SSBP1: variants seen among roughly 807,000 people sequenced by gnomAD.
SSBP1 encodes the protein single-stranded DNA-binding protein, mitochondrial.
In SSBP1, 20 loss-of-function variants were observed where a neutral mutation model predicts 27.0. That is an observed-to-expected ratio of 0.74 (90% CI 0.52 to 1.08). The LOEUF (loss-of-function observed/expected upper bound fraction) is 1.08, where lower values mean the gene tolerates loss of function less well. Among genes scored for constraint, SSBP1 ranks in the 50% least tolerant of loss-of-function variants. The pLI is 0.00. For missense variants in SSBP1, 137 were observed against 182.4 expected (o/e 0.75, Z 1.44); for synonymous variants, 59 against 59.3 (o/e 1.00, Z 0.02).
At chr7:141,745,929 A>G in intron 6 of SSBP1, 3 of 1,026,856 alleles carry the variant, frequency 2.9e-6, no homozygotes, top group Non-Finnish European at 3.5e-6. Flanking sequence ...AGCGTATGCC[A>G]AGATAAGAAT....
Position 141,742,160 on chromosome 7 carries a change from C to G in SSBP1, c.25-9C>G. 6.3e-7 allele frequency: 1 copy of G among 1,583,186 alleles called. No individual in the cohort carries two copies. Among genetic ancestry groups the G allele is most frequent in the Non-Finnish European group, 8.6e-7 (1 of 1,156,210 alleles). Reference sequence around the variant, plus strand: ...ATTAAAGCCATGTTATTCATTTGTTCTTCTTTAGGTACTTCGTCAGTTTGT... The same window carrying G: ...ATTAAAGCCATGTTATTCATTTGTTGTTCTTTAGGTACTTCGTCAGTTTGT... On this transcript the variant is annotated splice_polypyrimidine_tract_variant and intron_variant, in intron 2 of 6. Coordinates refer to ENST00000265304, the MANE Select transcript of SSBP1 (RefSeq NM_003143.3).
chr7:141,742,323 T>C (rs1242055411), intron 3 of SSBP1, 94 bp downstream of exon 3: 3 of 887,284 alleles, frequency 3.4e-6, no homozygotes, highest in African/African-American at 3.3e-5. Context: ...GGGTTAACCA[T>C]GTTGCCATTG....
Position 141,746,108 on chromosome 7 carries a change from T to A in SSBP1, c.403+524T>A, listed in dbSNP as rs764093461. ...CAATCTCGGCTCATTGCAACCTCTGTCTCCTGGATTCAAGTGATTCTCCTG... is the reference window on the plus strand; with the variant it reads ...CAATCTCGGCTCATTGCAACCTCTGACTCCTGGATTCAAGTGATTCTCCTG... On this transcript the variant is annotated intron_variant, in intron 6 of 6. Transcript: ENST00000265304. The A allele has an allele frequency of 9.3e-4, 333 of 358,542 alleles. 1 individual carries two copies. The highest frequency in any genetic ancestry group is 1.7e-3 in the Admixed American group (26 of 15,388). The allele number at this position is 358,542 out of a possible 1,614,324, so 22.2% of individuals were successfully genotyped here.
At chr7:141,749,814 T>TA (rs1056064907) in intron 6 of SSBP1, among the ~76,000 whole-genome samples, 11 of 152,208 alleles carry the variant, frequency 7.2e-5, no homozygotes, top group African/African-American at 2.7e-4. Flanking sequence ...TATTGTAATT[T>TA]AAAAATAAAA....
At chr7:141,743,373 C>CAGAAAG (rs1799639575) in intron 3 of SSBP1, among the ~76,000 whole-genome samples, 188 bp from the exon 4 acceptor site, 1 of 152,208 alleles carries the variant, frequency 6.6e-6, no homozygotes, top group African/African-American at 2.4e-5. Flanking sequence ...AAGTTCTGAA[C>CAGAAAG]TCTTCCTGTT....
chr7:141,743,463 T>G, intron 3 of SSBP1, 98 bp from the exon 4 acceptor site: 1 of 1,393,244 alleles, frequency 7.2e-7, no homozygotes, highest in Non-Finnish European at 9.9e-7. Flanking sequence ...TACCATTACA[T>G]TGAGGGTTAG....
intron 5 of SSBP1, among the ~76,000 whole-genome samples, chr7:141,744,953 A>G (rs995126839): frequency 6.6e-6 from 1 of 152,198 alleles, no homozygotes; most frequent in African/African-American, 2.4e-5. Context: ...TTTAGCCTCT[A>G]GATAGTGTAG....
intron 6 of SSBP1, among the ~76,000 whole-genome samples, chr7:141,747,039 A>C (rs924485572): frequency 2.6e-5 from 4 of 152,188 alleles, no homozygotes. Flanking sequence ...CCTGTTTGTA[A>C]CAAAAATGCA....
Position 141,750,379 on chromosome 7 carries a change from C to T in SSBP1, c.*25C>T, listed in dbSNP as rs1799917274. The T allele has an allele frequency of 6.4e-7, 1 of 1,573,514 alleles. No individual in the cohort carries two copies. Among genetic ancestry groups the T allele is most frequent in the African/African-American group, 1.4e-5 (1 of 72,560 alleles). ...GAAAGGATGATTCTTCTTTGGCCAT[C>T]ATTTGGTACAGTCTCATTTCCAAGT... On this transcript the variant is annotated 3_prime_UTR_variant, in exon 7 of 7. Coordinates refer to ENST00000265304, the MANE Select transcript of SSBP1 (RefSeq NM_003143.3).
intron 2 of SSBP1, chr7:141,739,590 A>G (rs11761832): frequency 0.42 from 67,726 of 160,400 alleles, 15,271 homozygotes; most frequent in East Asian, 0.68. Context: ...ATCTTTCCAC[A>G]CTGAAGAGAG....
chr7:141,741,070 C>T (rs889147095), intron 2 of SSBP1: 3 of 152,186 alleles, frequency 2.0e-5, no homozygotes, highest in Admixed American at 6.5e-5. Context: ...ACCTATCTCT[C>T]GTTCTCTAAA....
At position 141,743,602 on chromosome 7, in the gene SSBP1, C is replaced by A; in HGVS notation, c.127C>A (p.Pro43Thr). Residue 43 changes from proline to threonine, a missense_variant, in exon 4 of 7, where the codon CCT (proline) becomes ACT (threonine). Transcript: ENST00000265304. ...VHLLGRVGQD[P>T]VLRQVEGKNP... ...CTTACTTGGGCGAGTGGGTCAGGAC[C>A]CTGTCTTGAGACAGGTGGAAGGAAA... 6.2e-7 allele frequency: 1 copy of A among 1,614,056 alleles called. No homozygotes were observed.
chr7:141,740,862 A>C (rs1799500818), intron 2 of SSBP1: 1 of 152,128 alleles, frequency 6.6e-6, no homozygotes, highest in Non-Finnish European at 1.5e-5. Context: ...TATGTATCAT[A>C]ATTTTTGCTT....
chr7:141,739,109 GT>G lies in SSBP1; in HGVS notation c.-43-8del, dbSNP rs1267350394. 1 of 1,493,038 alleles carries G rather than the reference GT, an allele frequency of 6.7e-7. No individual in the cohort carries two copies. The highest frequency in any genetic ancestry group is 9.0e-7 in the Non-Finnish European group (1 of 1,104,992). The allele number at this position is 1,493,038 out of a possible 1,614,324, so 92.5% of individuals were successfully genotyped here. A position where few individuals can be genotyped will look rare whatever the true frequency, so the allele number is the denominator to read the frequency against. On this transcript the variant is annotated splice_polypyrimidine_tract_variant and intron_variant, in intron 1 of 6. Coordinates refer to ENST00000265304, the MANE Select transcript of SSBP1 (RefSeq NM_003143.3). ...AGAGGTAATGTTTTTTTCTTATTTT[GT>G]TTTTTTCCTTCAGGAAAAGCCTAAA... is the stretch of plus-strand genomic sequence containing the variant.
intron 2 of SSBP1, 26 bp downstream of exon 2, chr7:141,739,216 G>T: frequency 6.4e-7 from 1 of 1,552,240 alleles, no homozygotes; most frequent in Non-Finnish European, 8.7e-7. Context: ...TATTAATACT[G>T]AGATGTATTA....
In SSBP1 at chr7:141,739,267, A is replaced by T. The variant is rs368935395; in HGVS notation, c.24+77A>T. The T allele has an allele frequency of 8.3e-5, 105 of 1,272,306 alleles. No individual in the cohort carries two copies. The African/African-American group carries it at 1.3e-3, about 15-fold the overall frequency. The allele number at this position is 1,272,306 out of a possible 1,614,324, so 78.8% of individuals were successfully genotyped here. A position where few individuals can be genotyped will look rare whatever the true frequency, so the allele number is the denominator to read the frequency against. On this transcript the variant is annotated intron_variant, in intron 2 of 6. Transcript: ENST00000265304. ...ATCAGAAGACTTCTTTAGGCTTTTA[A>T]CTACAGGGGCAAAAGACCTTTGAGC...
intron 5 of SSBP1, among the ~76,000 whole-genome samples, chr7:141,744,829 C>T (rs1042569690): frequency 6.6e-6 from 1 of 152,080 alleles, no homozygotes; most frequent in Non-Finnish European, 1.5e-5. Context: ...TGGGGAGCAC[C>T]TGATGTTTCA....
intron 2 of SSBP1, chr7:141,739,511 T>C (rs1054596570): frequency 2.0e-5 from 5 of 246,460 alleles, no homozygotes; most frequent in African/African-American, 1.1e-4. Context: ...GTTCCAACTT[T>C]TTTCTTAAGG....
chr7:141,741,893 G>T, intron 2 of SSBP1: 1 of 763,790 alleles, frequency 1.3e-6, no homozygotes, highest in East Asian at 3.9e-5. Context: ...CCATAATCAA[G>T]GAGATGTCGC....
Sources: allele counts gnomAD v4.1 joint callset (sites outside exome capture counted in the v4.1 genomes callset), GRCh38; gene constraint gnomAD v4.1.1; transcripts MANE v1.5; gene names NCBI Gene and HGNC (gene_info 2026-07-23, HGNC 2026-07-21).